Variants in THSD7A observed in about 807,000 individuals in gnomAD.
The protein encoded by THSD7A is thrombospondin type-1 domain-containing protein 7A.
THSD7A carries 96 observed loss-of-function variants against 231.3 expected under a neutral mutation model. The ratio of observed to expected loss-of-function variants is 0.41; its 90% CI spans 0.35 to 0.49. The LOEUF is 0.49. Ranked by LOEUF, THSD7A falls within the 20% of genes least tolerant of loss-of-function variation. THSD7A has a pLI of 0.05. For synonymous variants in THSD7A, 940 were observed against 743.3 expected (o/e 1.26, Z -4.30); for missense variants, 2,290 against 2,070.2 (o/e 1.11, Z -2.06).
At chr7:11,395,153 A>G (rs1783133267) in intron 23 of THSD7A, among the ~76,000 whole-genome samples, 1 of 152,146 alleles carries the variant, frequency 6.6e-6, no homozygotes, top group Admixed American at 6.5e-5. Context: ...GCAAAAAAAA[A>G]AAAAGCAGGG....
intron 1 of THSD7A, among the ~76,000 whole-genome samples, chr7:11,698,749 T>C (rs1159212603): frequency 6.6e-6 from 1 of 151,328 alleles, no homozygotes; most frequent in Non-Finnish European, 1.5e-5. Context: ...TGAAAGGAAG[T>C]ACAGAGATTA....
At chr7:11,652,975 G>A (rs1008643759) in intron 1 of THSD7A, among the ~76,000 whole-genome samples, 14 of 151,824 alleles carry the variant, frequency 9.2e-5, no homozygotes, top group Middle Eastern at 3.2e-3. Context: ...CAAAAAAAGC[G>A]AATTGAGGAA....
At chr7:11,384,922 T>C (rs1412792021) in intron 23 of THSD7A, 2 of 151,998 alleles carry the variant, frequency 1.3e-5, no homozygotes, top group Non-Finnish European at 2.9e-5. Flanking sequence ...CTGTATAAAA[T>C]TTACATGTTA....
chr7:11,433,033 T>C (rs751283523), intron 13 of THSD7A, among the ~76,000 whole-genome samples: 1 of 151,988 alleles, frequency 6.6e-6, no homozygotes, highest in Non-Finnish European at 1.5e-5. Flanking sequence ...TTGTGAGACA[T>C]AGAAGACAGA....
intron 1 of THSD7A, among the ~76,000 whole-genome samples, chr7:11,706,463 G>T (rs928377487): frequency 2.0e-5 from 3 of 150,668 alleles, no homozygotes; most frequent in Non-Finnish European, 4.5e-5. Context: ...TTATGGTTTG[G>T]CAGCTACACA....
At chr7:11,390,108 A>G (rs565254864) in intron 23 of THSD7A, among the ~76,000 whole-genome samples, 3 of 152,170 alleles carry the variant, frequency 2.0e-5, no homozygotes, top group South Asian at 2.1e-4. Flanking sequence ...TGCTCTTCTC[A>G]AGGAGTATCT....
chr7:11,785,127 G>C (rs917417807), intron 1 of THSD7A, among the ~76,000 whole-genome samples: 1 of 152,102 alleles, frequency 6.6e-6, no homozygotes, highest in African/African-American at 2.4e-5. Context: ...TCAAGACCCT[G>C]ATTACTAAAT....
At chr7:11,742,071 G>A (rs899982266) in intron 1 of THSD7A, among the ~76,000 whole-genome samples, 1 of 151,874 alleles carries the variant, frequency 6.6e-6, no homozygotes, top group Non-Finnish European at 1.5e-5. Flanking sequence ...ATTCCTTGAA[G>A]CAAAGTCTTT....
chr7:11,456,901 C>T lies in THSD7A; in HGVS notation c.2605+3761G>A, dbSNP rs188940046. 6.6e-5 allele frequency among the ~76,000 whole-genome samples: 10 copies of T among 152,050 alleles called. No homozygotes were observed. In the East Asian group the frequency reaches 1.7e-3, roughly 26 times the overall value. On this transcript the variant is annotated intron_variant, in intron 11 of 27. Coordinates refer to ENST00000423059, the MANE Select transcript of THSD7A (RefSeq NM_015204.3). The stretch of plus-strand genomic sequence containing the variant: ...AAACATTTCTATCTCTAGAATCATA[C>T]AATGGTAAAGTTAGCTATCTCATAT...
chr7:11,787,911 G>T (rs1783839399), intron 1 of THSD7A, among the ~76,000 whole-genome samples: 1 of 152,016 alleles, frequency 6.6e-6, no homozygotes, highest in Admixed American at 6.6e-5. Flanking sequence ...CCTAGAAATG[G>T]CTCACCAATT....
At chr7:11,640,894 G>T (rs1371103572) in intron 1 of THSD7A, among the ~76,000 whole-genome samples, 2 of 151,960 alleles carry the variant, frequency 1.3e-5, no homozygotes, top group Admixed American at 1.3e-4. Flanking sequence ...TCCCTAAAGG[G>T]GTTGAGGAGT....
chr7:11,647,904 A>G (rs1181276580), intron 1 of THSD7A, among the ~76,000 whole-genome samples: 1 of 152,064 alleles, frequency 6.6e-6, no homozygotes, highest in African/African-American at 2.4e-5. Context: ...ACAATGGCCA[A>G]TCTGAAGCAA....
chr7:11,726,120 A>C (rs554809662), intron 1 of THSD7A, among the ~76,000 whole-genome samples: 5 of 152,142 alleles, frequency 3.3e-5, no homozygotes, highest in African/African-American at 1.2e-4. Context: ...ATAAAAGCTA[A>C]ATTTAAAAGG....
intron 11 of THSD7A, among the ~76,000 whole-genome samples, chr7:11,456,704 A>G (rs1428281157): frequency 1.3e-5 from 2 of 152,010 alleles, no homozygotes; most frequent in Admixed American, 6.6e-5. Context: ...TAACTACTCA[A>G]TTGTGCCTTG....
chr7:11,587,379 G>C (rs1055362932), intron 4 of THSD7A, among the ~76,000 whole-genome samples: 2 of 152,184 alleles, frequency 1.3e-5, no homozygotes, highest in Admixed American at 1.3e-4. Flanking sequence ...CTACGGAAAT[G>C]ATATAGTAGA....
At chr7:11,667,621 A>G (rs1783193874) in intron 1 of THSD7A, among the ~76,000 whole-genome samples, 2 of 152,180 alleles carry the variant, frequency 1.3e-5, no homozygotes, top group Non-Finnish European at 2.9e-5. Context: ...CATTACAAAA[A>G]TAGACTTCTG....
intron 1 of THSD7A, among the ~76,000 whole-genome samples, chr7:11,697,687 C>A (rs1471594989): frequency 1.3e-5 from 2 of 151,174 alleles, no homozygotes; most frequent in East Asian, 3.9e-4. Flanking sequence ...TCTCATTTAT[C>A]CTCAGAAAAA....
intron 2 of THSD7A, among the ~76,000 whole-genome samples, chr7:11,601,335 T>G (rs937155775): frequency 2.2e-4 from 34 of 152,176 alleles, no homozygotes; most frequent in Admixed American, 1.7e-3. Flanking sequence ...AAAAGAAGAA[T>G]GACAACTTGT....
chr7:11,661,084 T>G (rs1782912685), intron 1 of THSD7A, among the ~76,000 whole-genome samples: 1 of 151,374 alleles, frequency 6.6e-6, no homozygotes, highest in East Asian at 1.9e-4. Flanking sequence ...GGAAATATGA[T>G]GTAATTGTTT....
Sources: allele counts gnomAD v4.1 joint callset (sites outside exome capture counted in the v4.1 genomes callset), GRCh38; gene constraint gnomAD v4.1.1; transcripts MANE v1.5; gene names NCBI Gene and HGNC (gene_info 2026-07-23, HGNC 2026-07-21).